PDGFD: variants seen among roughly 807,000 people sequenced by gnomAD.
The protein encoded by PDGFD is platelet derived growth factor D.
A neutral mutation model predicts 44.7 loss-of-function variants in PDGFD; 30 were observed. The observed-to-expected ratio is 0.67, with a 90% CI of 0.50 to 0.91. PDGFD has a LOEUF of 0.91. Among genes scored for constraint, PDGFD ranks in the 40% least tolerant of loss-of-function variants. The pLI is 0.00. For missense variants in PDGFD, 445 were observed against 457.8 expected (o/e 0.97, Z 0.25); for synonymous variants, 173 against 168.4 (o/e 1.03, Z -0.21).
rs144141182 is a variant in PDGFD at position 104,074,277 on chromosome 11, T to C, written c.125-74022A>G. On this transcript the variant is annotated intron_variant, in intron 1 of 6. Coordinates refer to ENST00000393158, the MANE Select transcript of PDGFD (RefSeq NM_025208.5). ...AGAAGCACCCAGCTGGCCCATGAAC[T>C]TGCGAGAACAGTACATCGTTGCTGT... Among the ~76,000 whole-genome samples the C allele has an allele frequency of 1.8e-3, 277 of 152,292 alleles. 1 individual carries two copies. The highest frequency in any genetic ancestry group is 3.4e-3 in the Middle Eastern group (1 of 294).
intron 1 of PDGFD, among the ~76,000 whole-genome samples, chr11:104,106,762 A>G (rs1288769594): frequency 6.8e-6 from 1 of 147,764 alleles, no homozygotes; most frequent in Non-Finnish European, 1.5e-5. Flanking sequence ...TTTTTTTTTC[A>G]AGTCAGAATC....
At chr11:104,128,526 G>A (rs1407270790) in intron 1 of PDGFD, among the ~76,000 whole-genome samples, 2 of 152,112 alleles carry the variant, frequency 1.3e-5, no homozygotes, top group Non-Finnish European at 2.9e-5. Flanking sequence ...CAAATAGATG[G>A]CTCCATGCAT....
intron 3 of PDGFD, among the ~76,000 whole-genome samples, chr11:103,970,251 G>A (rs918901073): frequency 6.6e-6 from 1 of 152,008 alleles, no homozygotes; most frequent in Non-Finnish European, 1.5e-5. Context: ...ATTGATGCAA[G>A]GTGGCTATTA....
At chr11:104,134,088 A>G (rs1345100709) in intron 1 of PDGFD, among the ~76,000 whole-genome samples, 2 of 151,588 alleles carry the variant, frequency 1.3e-5, no homozygotes, top group East Asian at 3.9e-4. Flanking sequence ...GCATGAAAAT[A>G]TAAACTATAT....
chr11:103,986,984 AACTG>A (rs1859376004), intron 3 of PDGFD, among the ~76,000 whole-genome samples: 1 of 152,124 alleles, frequency 6.6e-6, no homozygotes, highest in African/African-American at 2.4e-5. Flanking sequence ...CGCAACCAGG[AACTG>A]ACTGAGCACA....
chr11:103,945,828 A>T (rs1188154162), intron 4 of PDGFD: 1 of 152,198 alleles, frequency 6.6e-6, no homozygotes, highest in African/African-American at 2.4e-5. Context: ...GAGGCTGAAG[A>T]GTCAATCCAA....
At chr11:103,966,306 G>T (rs1422692016) in intron 3 of PDGFD, among the ~76,000 whole-genome samples, 12 of 152,122 alleles carry the variant, frequency 7.9e-5, no homozygotes, top group Admixed American at 7.9e-4. Context: ...TACTTTCTGT[G>T]GCTCCATTCA....
chr11:104,128,422 C>A (rs1320034711), intron 1 of PDGFD, among the ~76,000 whole-genome samples: 1 of 152,134 alleles, frequency 6.6e-6, no homozygotes, highest in Non-Finnish European at 1.5e-5. Context: ...CTCCATTCAT[C>A]ACAGCAAACA....
In PDGFD at chr11:104,108,968, G is replaced by A. The variant is rs138662383; in HGVS notation, c.124+54836C>T. The stretch of plus-strand genomic sequence containing the variant: ...TTGCAAGAACAAAAAAGCAAACACC[G>A]CATGTTCTCACTCATAGGTGGGAAT... On this transcript the variant is annotated intron_variant, in intron 1 of 6. Coordinates refer to ENST00000393158, the MANE Select transcript of PDGFD (RefSeq NM_025208.5). Among the ~76,000 whole-genome samples the A allele has an allele frequency of 6.1e-3, 925 of 150,634 alleles. 12 individuals carry two copies. Among genetic ancestry groups the A allele is most frequent in the East Asian group, 0.042 (215 of 5,060 alleles).
At chr11:104,149,972 T>A (rs1350555059) in intron 1 of PDGFD, among the ~76,000 whole-genome samples, 2 of 152,176 alleles carry the variant, frequency 1.3e-5, no homozygotes, top group Non-Finnish European at 1.5e-5. Flanking sequence ...CTTACATATA[T>A]CACATGACAT....
intron 5 of PDGFD, among the ~76,000 whole-genome samples, chr11:103,936,718 T>G (rs2134317708): frequency 6.6e-6 from 1 of 152,310 alleles, no homozygotes; most frequent in East Asian, 1.9e-4. Context: ...TCTAACCATT[T>G]AGAGTCTGTA....
At chr11:104,007,308 C>T (rs1011757531) in intron 1 of PDGFD, among the ~76,000 whole-genome samples, 1 of 152,162 alleles carries the variant, frequency 6.6e-6, no homozygotes, top group African/African-American at 2.4e-5. Context: ...GACAGTCTCA[C>T]CCCTTATCCA....
chr11:103,971,996 A>G (rs997226798), intron 3 of PDGFD, among the ~76,000 whole-genome samples: 1 of 152,190 alleles, frequency 6.6e-6, no homozygotes, highest in African/African-American at 2.4e-5. Flanking sequence ...TTTCTCTTAC[A>G]TTACATAATC....
rs200714611 is a variant in PDGFD, at chr11:104,049,525, AT to A, written c.125-49271del. 5.4e-3 allele frequency among the ~76,000 whole-genome samples: 823 copies of A among 151,338 alleles called. 2 individuals are homozygous for A. The highest frequency in any genetic ancestry group is 0.016 in the African/African-American group (660 of 41,232). On this transcript the variant is annotated intron_variant, in intron 1 of 6. Coordinates refer to ENST00000393158, the MANE Select transcript of PDGFD (RefSeq NM_025208.5). ...TTTTTAAGCAAAGGAAAGACATTTG[AT>A]TTTTTTTTAAGCTTTTTTTTGTTTT... is the stretch of plus-strand genomic sequence containing the variant.
intron 1 of PDGFD, among the ~76,000 whole-genome samples, chr11:104,047,240 C>A (rs1860457444): frequency 6.8e-6 from 1 of 147,594 alleles, no homozygotes; most frequent in East Asian, 2.0e-4. Context: ...ATTTATAATT[C>A]TTTGGGTATA....
chr11:103,990,807 C>T (rs1041696477), intron 3 of PDGFD, among the ~76,000 whole-genome samples: 18 of 151,988 alleles, frequency 1.2e-4, no homozygotes, highest in Non-Finnish European at 2.1e-4. Flanking sequence ...TAGTCAATTC[C>T]GAAGGTCAAT....
At chr11:103,945,423 G>A (rs1224602012) in intron 4 of PDGFD, 3 of 152,022 alleles carry the variant, frequency 2.0e-5, no homozygotes, top group South Asian at 4.1e-4. Flanking sequence ...ATTCCAAATC[G>A]CCATTAACTT....
At chr11:104,019,803 T>C (rs1440332328) in intron 1 of PDGFD, among the ~76,000 whole-genome samples, 1 of 151,386 alleles carries the variant, frequency 6.6e-6, no homozygotes, top group East Asian at 1.9e-4. Context: ...ATAGAAGGGC[T>C]GACATAAATG....
chr11:104,147,376 G>A (rs746729880), intron 1 of PDGFD, among the ~76,000 whole-genome samples: 14 of 152,004 alleles, frequency 9.2e-5, no homozygotes, highest in Non-Finnish European at 1.9e-4. Flanking sequence ...CCAAAGTCAG[G>A]TAAGGAAACA....
Sources: gnomAD v4.1 joint callset for allele counts (sites outside exome capture counted in the v4.1 genomes callset) on GRCh38, gnomAD v4.1.1 for gene constraint, MANE v1.5 for transcripts, NCBI Gene and HGNC (gene_info 2026-07-23, HGNC 2026-07-21) for gene names.